The following PCDHGA7 variants were observed in gnomAD, a reference collection of about 807,000 sequenced individuals.
The protein encoded by PCDHGA7 is protocadherin gamma subfamily A, 7, also known as protocadherin gamma-A7.
A neutral mutation model predicts 58.3 loss-of-function variants in PCDHGA7; 44 were observed. The ratio of observed to expected loss-of-function variants is 0.75; its 90% CI spans 0.59 to 0.97. The LOEUF is 0.97. PCDHGA7 is among the 50% of genes least tolerant of loss of function. PCDHGA7 has a pLI of 0.00. For missense variants in PCDHGA7, 1,266 were observed against 1,188.7 expected, an observed-to-expected ratio of 1.06 and a Z score of -0.96; for synonymous variants, 516 against 504.2, an observed-to-expected ratio of 1.02 and a Z score of -0.31.
In PCDHGA7 at chr5:141,485,636, G is replaced by A. The variant is rs371040974; in HGVS notation, c.2425-9171G>A. The A allele has an allele frequency of 6.2e-7, 1 of 1,611,922 alleles. No homozygotes were observed. The highest frequency in any genetic ancestry group is 1.1e-5 in the South Asian group (1 of 90,964). On this transcript the variant is annotated intron_variant, in intron 1 of 3. Transcript: ENST00000518325. This position sits in a 1 kb window ranked among gnomAD's most constrained non-coding sequence, Gnocchi z 5.7. ...TCCTCCAGGACAGCGTTTCCCGTTG[G>A]AAAAGGCTCAGGATGCAGATGTGGG...
intron 1 of PCDHGA7, chr5:141,393,283 C>T (rs2150516449): frequency 6.2e-7 from 1 of 1,613,988 alleles, no homozygotes; most frequent in Middle Eastern, 1.6e-4. Flanking sequence ...CTCCCAGAAG[C>T]TGTTGACCCG....
Position 141,490,600 on chromosome 5 carries a change from T to G in PCDHGA7, c.2425-4207T>G. 6.2e-7 allele frequency: 1 copy of G among 1,614,164 alleles called. No homozygotes were observed. Among genetic ancestry groups the G allele is most frequent in the South Asian group, 1.1e-5 (1 of 91,072 alleles). ...AGATGTCAATGACAATGCACCCCGCTTCAACCAGCAGCTTTACACTGCTTA... is the reference window on the plus strand; with the variant it reads ...AGATGTCAATGACAATGCACCCCGCGTCAACCAGCAGCTTTACACTGCTTA... On this transcript the variant is annotated intron_variant, in intron 1 of 3. Coordinates refer to ENST00000518325, the MANE Select transcript of PCDHGA7 (RefSeq NM_018920.4). The surrounding 1 kb of genome is among the most constrained non-coding windows in gnomAD (Gnocchi z 5.4).
chr5:141,405,118 G>T (rs368800698), intron 1 of PCDHGA7: 1 of 1,613,946 alleles, frequency 6.2e-7, no homozygotes, highest in Non-Finnish European at 8.5e-7. Context: ...GGCACTCCTC[G>T]CATCTGCTGC....
Position 141,384,136 on chromosome 5 carries a change from G to A in PCDHGA7, c.1237G>A (p.Glu413Lys). ...RLVTTKNLDR[E>K]TLSLYNITLK... ...GGTCACAACCAAAAACTTGGACCGG[G>A]AAACACTCTCTTTGTATAACATCAC... is the stretch of plus-strand genomic sequence containing the variant. Residue 413 changes from glutamate (E) to lysine (K), a missense_variant, in exon 1 of 4, where the codon GAA becomes AAA. Physicochemically the swap from Glu to Lys is moderately conservative, Grantham distance 56. Coordinates refer to ENST00000518325, the MANE Select transcript of PCDHGA7 (RefSeq NM_018920.4). The A allele has an allele frequency of 1.9e-6, 3 of 1,612,410 alleles. No individual in the cohort carries two copies. In the South Asian group the frequency reaches 3.3e-5, roughly 18 times the overall value.
chr5:141,413,548 A>G, intron 1 of PCDHGA7: 1 of 1,613,946 alleles, frequency 6.2e-7, no homozygotes, highest in Non-Finnish European at 8.5e-7. Context: ...TGGGATAGAA[A>G]TAGAAGTAAC....
At position 141,384,522 on chromosome 5, in the gene PCDHGA7, T is replaced by A; in HGVS notation, c.1623T>A (p.Pro541=). 2 of 1,614,192 alleles carry A rather than the reference T, an allele frequency of 1.2e-6. No homozygotes were observed. Among genetic ancestry groups the A allele is most frequent in the Non-Finnish European group, 1.7e-6 (2 of 1,180,028 alleles). ...CTGCACATGACAGCGGGGACCCGCC[T>A]CTCAGCAGCAACATGTCACTGAGCC... ...RVTAHDSGDP[P]LSSNMSLSLF... is the part of the protein sequence containing the mutation. The change falls in exon 1 of 4, where the codon CCT becomes CCA. Residue 541 remains proline (P), a synonymous_variant. Transcript: ENST00000518325.
chr5:141,486,452 G>T lies in PCDHGA7; in HGVS notation c.2425-8355G>T. 6.2e-7 allele frequency: 1 copy of T among 1,614,152 alleles called. No homozygotes were observed. Among genetic ancestry groups the T allele is most frequent in the Non-Finnish European group, 8.5e-7 (1 of 1,179,996 alleles). Reference sequence around the variant, plus strand: ...ATCTAGCTATGACATCATGGTCACTGCTTCTGATGCTGGGAACCCTCCTCT... The same window carrying T: ...ATCTAGCTATGACATCATGGTCACTTCTTCTGATGCTGGGAACCCTCCTCT... On this transcript the variant is annotated intron_variant, in intron 1 of 3. Coordinates refer to ENST00000518325, the MANE Select transcript of PCDHGA7 (RefSeq NM_018920.4). This position sits in a 1 kb window ranked among gnomAD's most constrained non-coding sequence, Gnocchi z 5.0.
Position 141,414,827 on chromosome 5 carries a change from C to T in PCDHGA7, c.2424+29504C>T, listed in dbSNP as rs1253521902. On this transcript the variant is annotated intron_variant, in intron 1 of 3. Coordinates refer to ENST00000518325, the MANE Select transcript of PCDHGA7 (RefSeq NM_018920.4). Reference sequence around the variant, plus strand: ...GATCCTCCACTCAGCAGCAACGTGTCGTTGAGCCTGTTTGTGCTGGACCAG... The same window carrying T: ...GATCCTCCACTCAGCAGCAACGTGTTGTTGAGCCTGTTTGTGCTGGACCAG... 1.9e-6 allele frequency: 3 copies of T among 1,614,116 alleles called. No individual in the cohort carries two copies. Among genetic ancestry groups the T allele is most frequent in the African/African-American group, 1.3e-5 (1 of 74,946 alleles).
intron 1 of PCDHGA7, chr5:141,415,349 A>G (rs921019257): frequency 1.2e-6 from 2 of 1,614,220 alleles, no homozygotes; most frequent in Non-Finnish European, 1.7e-6. Flanking sequence ...CGCTGGCACA[A>G]GTCACGCCTG....
intron 2 of PCDHGA7, among the ~76,000 whole-genome samples, chr5:141,495,834 C>T (rs1366861675): frequency 6.6e-6 from 1 of 152,198 alleles, no homozygotes; most frequent in African/African-American, 2.4e-5. Context: ...CTATCCCCAG[C>T]CTCTATGTTT....
In PCDHGA7 at chr5:141,406,055, T is replaced by C. The variant is rs2094752189; in HGVS notation, c.2424+20732T>C. 5.3e-5 allele frequency among the ~76,000 whole-genome samples: 8 copies of C among 150,380 alleles called. No individual in the cohort carries two copies. In the South Asian group the frequency reaches 1.5e-3, roughly 28 times the overall value. On this transcript the variant is annotated intron_variant, in intron 1 of 3. Transcript: ENST00000518325. ...CTTCATTGGTTGCAGTGGACTCATA[T>C]CATAAAATTCTTACTCCTTTTTTTT...
chr5:141,399,731 CGCCTGCGCTCAGCGCAAACGTGA>C (rs777966215), intron 1 of PCDHGA7: 5 of 1,613,174 alleles, frequency 3.1e-6, no homozygotes, highest in Admixed American at 1.7e-5. Flanking sequence ...GACCAGGGCT[CGCCTGCGCTCAGCGCAAACGTGA>C]GCCTGCGCGT....
intron 1 of PCDHGA7, chr5:141,441,867 GCCTGGCTA>G (rs2098280856): frequency 1.2e-5 from 4 of 345,682 alleles, no homozygotes; most frequent in Non-Finnish European, 2.3e-5. Flanking sequence ...ACGCCGCGGA[GCCTGGCTA>G]CCTGGTCACC....
rs1562144438 is a variant in PCDHGA7, at chr5:141,491,135, G to T, written c.2425-3672G>T. The T allele has an allele frequency of 6.2e-7, 1 of 1,613,986 alleles. No individual in the cohort carries two copies. Among genetic ancestry groups the T allele is most frequent in the Non-Finnish European group, 8.5e-7 (1 of 1,180,000 alleles). On this transcript the variant is annotated intron_variant, in intron 1 of 3. Transcript: ENST00000518325. This position sits in a 1 kb window ranked among gnomAD's most constrained non-coding sequence, Gnocchi z 6.9. ...CACACTGGTGAGGTGCGCACAGCCC[G>T]GGCCTTACTGGAGGATGACTCTGAC...
At chr5:141,422,690 T>C (rs1384522137) in intron 1 of PCDHGA7, 1 of 1,603,790 alleles carries the variant, frequency 6.2e-7, no homozygotes, top group African/African-American at 1.3e-5. Flanking sequence ...AATGCCCTGG[T>C]CACTTACTCT....
intron 2 of PCDHGA7, among the ~76,000 whole-genome samples, chr5:141,501,015 C>T (rs950216755): frequency 6.6e-5 from 10 of 151,866 alleles, no homozygotes; most frequent in African/African-American, 2.4e-4. Context: ...ACTACAGGCA[C>T]GCGCCACCAC....
chr5:141,452,584 T>C (rs992607928), intron 1 of PCDHGA7, among the ~76,000 whole-genome samples: 1 of 152,182 alleles, frequency 6.6e-6, no homozygotes, highest in Non-Finnish European at 1.5e-5. Context: ...TTTCCATCTT[T>C]GTATTTTTAT....
chr5:141,420,454 TATTCAAAGAC>T, intron 1 of PCDHGA7: 1 of 968,104 alleles, frequency 1.0e-6, no homozygotes, highest in Admixed American at 3.7e-5. Context: ...GTCTTCCTAC[TATTCAAAGAC>T]ATTTTAAAGC....
At chr5:141,463,834 A>G (rs1212299231) in intron 1 of PCDHGA7, among the ~76,000 whole-genome samples, 4 of 152,108 alleles carry the variant, frequency 2.6e-5, no homozygotes, top group East Asian at 1.9e-4. Flanking sequence ...TCCACTTCCC[A>G]GTTGTTATAG....
Sources: gnomAD v4.1 joint callset for allele counts (sites outside exome capture counted in the v4.1 genomes callset) on GRCh38, gnomAD v4.1.1 for gene constraint, Gnocchi (gnomAD v3.1) non-coding constraint, MANE v1.5 for transcripts, NCBI Gene and HGNC (gene_info 2026-07-23, HGNC 2026-07-21) for gene names.